The following SEC23A variants were observed in gnomAD, a reference collection of about 807,000 sequenced individuals.
SEC23A encodes the protein SEC23 homolog A, COPII component, also known as protein transport protein Sec23A.
In SEC23A, 56 loss-of-function variants were observed where a neutral mutation model predicts 103.7. That is an observed-to-expected ratio of 0.54 (90% CI 0.44 to 0.67). The LOEUF (loss-of-function observed/expected upper bound fraction) is 0.67, where lower values mean the gene tolerates loss of function less well. Among genes scored for constraint, SEC23A ranks in the 30% least tolerant of loss-of-function variants. The pLI is 0.00. For synonymous variants in SEC23A, 281 were observed against 293.0 expected, an observed-to-expected ratio of 0.96 and a Z score of 0.42; for missense variants, 784 against 936.4, an observed-to-expected ratio of 0.84 and a Z score of 2.12.
At chr14:39,049,173 A>AT (rs1305130743) in intron 14 of SEC23A, among the ~76,000 whole-genome samples, 1 of 134,360 alleles carries the variant, frequency 7.4e-6, no homozygotes, top group African/African-American at 2.6e-5. Flanking sequence ...AACCATCGCT[A>AT]TTAAAAAAAA....
chr14:39,092,847 A>ATTTG (rs767841117), intron 3 of SEC23A: 9 of 529,676 alleles, frequency 1.7e-5, no homozygotes, highest in Non-Finnish European at 2.3e-5. Context: ...GTTTTTTTTC[A>ATTTG]TTTGTTTGTT....
chr14:39,067,559 G>C (rs1000481003), intron 9 of SEC23A, among the ~76,000 whole-genome samples: 1 of 151,508 alleles, frequency 6.6e-6, no homozygotes, highest in Non-Finnish European at 1.5e-5. Context: ...TCTTTAAATA[G>C]GCAATATATC....
chr14:39,047,048 C>A (rs964398365), intron 15 of SEC23A, among the ~76,000 whole-genome samples: 2 of 152,172 alleles, frequency 1.3e-5, no homozygotes, highest in Middle Eastern at 3.2e-3. Flanking sequence ...ACAGAAATGA[C>A]CAATTGGTAA....
intron 10 of SEC23A, 72 bp from the exon 11 acceptor site, chr14:39,065,065 G>T: frequency 2.1e-6 from 2 of 933,152 alleles, no homozygotes; most frequent in Non-Finnish European, 3.6e-6. Flanking sequence ...AGGTGTATAA[G>T]AATATAAGAT....
chr14:39,064,858 G>A, intron 11 of SEC23A, 55 bp downstream of exon 11: 2 of 1,280,974 alleles, frequency 1.6e-6, no homozygotes, highest in Admixed American at 3.4e-5. Flanking sequence ...GGGATTACAG[G>A]TGCAAGCCAC....
At chr14:39,063,861 T>G (rs1367565018) in intron 11 of SEC23A, among the ~76,000 whole-genome samples, 1 of 151,796 alleles carries the variant, frequency 6.6e-6, no homozygotes, top group Non-Finnish European at 1.5e-5. Context: ...CCAGGCATGC[T>G]GGCGGACGCC....
intron 1 of SEC23A, among the ~76,000 whole-genome samples, chr14:39,101,244 A>C (rs1011009792): frequency 6.6e-6 from 1 of 152,236 alleles, no homozygotes; most frequent in African/African-American, 2.4e-5. Context: ...ATAATTTATC[A>C]TAATAGAGCT....
chr14:39,049,203 C>A (rs553521167), intron 14 of SEC23A, among the ~76,000 whole-genome samples: 2 of 150,350 alleles, frequency 1.3e-5, no homozygotes, highest in South Asian at 4.2e-4. Context: ...TGTGGCCGGG[C>A]GCAGTGGCTC....
intron 14 of SEC23A, among the ~76,000 whole-genome samples, chr14:39,052,054 G>A (rs1295962744): frequency 6.6e-6 from 1 of 152,042 alleles, no homozygotes; most frequent in East Asian, 1.9e-4. Context: ...ACTAAGACAG[G>A]AATAGAAAAG....
chr14:39,091,447 T>C, intron 5 of SEC23A, 30 bp downstream of exon 5: 1 of 1,525,714 alleles, frequency 6.6e-7, no homozygotes, highest in East Asian at 2.3e-5. Context: ...AATTTTCAGA[T>C]AGGTAAAAAC....
chr14:39,045,420 C>T, intron 15 of SEC23A, 96 bp from the exon 16 acceptor site: 3 of 807,852 alleles, frequency 3.7e-6, no homozygotes, highest in South Asian at 3.5e-5. Flanking sequence ...CTATTAACAA[C>T]ATAACAAAAC....
At chr14:39,084,108 AC>A (rs1887338372) in intron 7 of SEC23A, among the ~76,000 whole-genome samples, 2 of 150,904 alleles carry the variant, frequency 1.3e-5, no homozygotes, top group Non-Finnish European at 3.0e-5. Flanking sequence ...TGCAACCTCC[AC>A]CTTCCGGGTT....
chr14:39,096,937 T>C (rs1350474278), intron 1 of SEC23A, among the ~76,000 whole-genome samples: 1 of 152,208 alleles, frequency 6.6e-6, no homozygotes, highest in African/African-American at 2.4e-5. Context: ...CACTTCTGCT[T>C]TGGACAGGTA....
At chr14:39,097,515 T>G (rs1040422966) in intron 1 of SEC23A, among the ~76,000 whole-genome samples, 1 of 152,198 alleles carries the variant, frequency 6.6e-6, no homozygotes, top group African/African-American at 2.4e-5. Context: ...GGGAAAAAGT[T>G]AGATATAACA....
intron 10 of SEC23A, among the ~76,000 whole-genome samples, chr14:39,066,429 T>TAATC (rs913994350): frequency 5.3e-5 from 8 of 151,608 alleles, no homozygotes; most frequent in African/African-American, 1.9e-4. Context: ...CAATAACAAC[T>TAATC]AATCATAAAA....
chr14:39,094,430 A>T (rs1180002052), intron 2 of SEC23A, among the ~76,000 whole-genome samples: 2 of 39,214 alleles, frequency 5.1e-5, no homozygotes, highest in African/African-American at 2.0e-4. Flanking sequence ...ATATATATAT[A>T]TATATATATA....
In SEC23A at chr14:39,045,332, A is replaced by G; in HGVS notation, c.1738-8T>C. The G allele has an allele frequency of 6.3e-7, 1 of 1,594,742 alleles. No individual in the cohort carries two copies. Among genetic ancestry groups the G allele is most frequent in the Non-Finnish European group, 8.6e-7 (1 of 1,163,210 alleles). ...TCTTAAATGAAACATAAACTGTAAGATAAACACGTAAGATAGTTGTTACTG... is the reference window on the plus strand; with the variant it reads ...TCTTAAATGAAACATAAACTGTAAGGTAAACACGTAAGATAGTTGTTACTG... On this transcript the variant is annotated splice_region_variant and splice_polypyrimidine_tract_variant and intron_variant, in intron 15 of 19. Transcript: ENST00000307712.
At chr14:39,089,140 TG>T (rs1314468759) in intron 5 of SEC23A, among the ~76,000 whole-genome samples, 1 of 131,328 alleles carries the variant, frequency 7.6e-6, no homozygotes, top group African/African-American at 3.0e-5. Flanking sequence ...CACTCCAGCC[TG>T]GGTGACAGAG....
chr14:39,093,032 T>G (rs1594484374), intron 3 of SEC23A, 155 bp downstream of exon 3: 2 of 559,146 alleles, frequency 3.6e-6, no homozygotes, highest in East Asian at 3.6e-5. Context: ...CCCAGCTAAT[T>G]TTTTTTTTGT....
Sources: gnomAD v4.1 joint callset for allele counts (sites outside exome capture counted in the v4.1 genomes callset) on GRCh38, gnomAD v4.1.1 for gene constraint, MANE v1.5 for transcripts, NCBI Gene and HGNC (gene_info 2026-07-23, HGNC 2026-07-21) for gene names.